The following AGBL1 variants were observed in gnomAD, a reference collection of about 807,000 sequenced individuals.
The protein encoded by AGBL1 is cytosolic carboxypeptidase 4.
AGBL1 carries 130 observed loss-of-function variants against 118.9 expected under a neutral mutation model. The observed-to-expected ratio is 1.09, with a 90% CI of 0.95 to 1.26. AGBL1 has a LOEUF of 1.26. AGBL1 is among the 50% of genes most tolerant of loss of function. The pLI is 0.00. For missense variants in AGBL1, 1,584 were observed against 1,298.1 expected (o/e 1.22, Z -3.38); for synonymous variants, 555 against 478.9 (o/e 1.16, Z -2.08).
At chr15:86,379,798 T>C (rs1377315055) in intron 17 of AGBL1, among the ~76,000 whole-genome samples, 1 of 152,214 alleles carries the variant, frequency 6.6e-6, no homozygotes, top group Admixed American at 6.5e-5. Flanking sequence ...TGCCCTTCTC[T>C]ACAGAGTTTC....
At chr15:86,962,468 T>C (rs1265203818) in intron 23 of AGBL1, among the ~76,000 whole-genome samples, 2 of 152,100 alleles carry the variant, frequency 1.3e-5, no homozygotes, top group Non-Finnish European at 2.9e-5. Flanking sequence ...AAAAAATCTC[T>C]TTTTACTTTG....
At chr15:86,603,019 C>T (rs570598633) in intron 21 of AGBL1, among the ~76,000 whole-genome samples, 9 of 152,042 alleles carry the variant, frequency 5.9e-5, no homozygotes, top group Admixed American at 5.9e-4. Flanking sequence ...AAGCCCCATG[C>T]CAAATGGTTC....
chr15:86,807,804 G>C (rs2078738765), intron 22 of AGBL1, among the ~76,000 whole-genome samples: 1 of 152,084 alleles, frequency 6.6e-6, no homozygotes, highest in African/African-American at 2.4e-5. Context: ...ATCCTGACTT[G>C]TAGCACTTTT....
intron 17 of AGBL1, among the ~76,000 whole-genome samples, chr15:86,364,990 CACACACACATATATATAT>C (rs1375423943): frequency 7.5e-4 from 49 of 65,018 alleles, no homozygotes; most frequent in African/African-American, 2.2e-3. Context: ...TATATATATA[CACACACACATATATATAT>C]ACACACACAT....
At chr15:86,980,156 TC>T (rs1294310081) in intron 23 of AGBL1, among the ~76,000 whole-genome samples, 2 of 148,054 alleles carry the variant, frequency 1.4e-5, no homozygotes, top group Non-Finnish European at 3.0e-5. Flanking sequence ...AACTCAGTAA[TC>T]AGATCCTAGT....
chr15:86,970,522 A>C (rs1194587524), intron 23 of AGBL1, among the ~76,000 whole-genome samples: 2 of 151,996 alleles, frequency 1.3e-5, no homozygotes, highest in Non-Finnish European at 2.9e-5. Flanking sequence ...TATGTGCTCA[A>C]AGTCATAGTG....
At chr15:86,625,480 T>C (rs1178681467) in intron 21 of AGBL1, among the ~76,000 whole-genome samples, 2 of 149,532 alleles carry the variant, frequency 1.3e-5, no homozygotes, top group Admixed American at 6.8e-5. Flanking sequence ...TTAATCCAGA[T>C]CTGTCCAGAT....
chr15:86,563,462 G>A (rs934542707), intron 21 of AGBL1, among the ~76,000 whole-genome samples: 2 of 152,152 alleles, frequency 1.3e-5, no homozygotes, highest in Non-Finnish European at 2.9e-5. Context: ...TTTTGAGTGA[G>A]TTTTTAATCC....
rs868561699 is a variant in AGBL1, at chr15:86,925,122, A to G, written c.3222-62865A>G. 6.3e-3 allele frequency among the ~76,000 whole-genome samples: 465 copies of G among 73,820 alleles called. 2 individuals are homozygous for G. The highest frequency in any genetic ancestry group is 0.013 in the African/African-American group (300 of 23,960). 48.4% of individuals were successfully genotyped at this position (73,820 alleles called of 152,430 possible). A position where few individuals can be genotyped will look rare whatever the true frequency, so the allele number is the denominator to read the frequency against. On this transcript the variant is annotated intron_variant, in intron 23 of 24. Transcript: ENST00000441037. ...GTCAAGAAGAAGAAGAAGAAGAAGA[A>G]GAAGAGGAAGAGGAAGAGGAAGAGG...
chr15:86,350,054 C>T (rs2080601185), intron 17 of AGBL1, among the ~76,000 whole-genome samples: 1 of 152,208 alleles, frequency 6.6e-6, no homozygotes. Flanking sequence ...TCTCCTGGTT[C>T]ATAAAAGTGT....
chr15:86,721,675 G>A (rs2086724204), intron 22 of AGBL1, among the ~76,000 whole-genome samples: 1 of 152,174 alleles, frequency 6.6e-6, no homozygotes. Context: ...GCAGGAGAAG[G>A]AAATAAAAGA....
At chr15:86,343,153 G>A (rs995252984) in intron 17 of AGBL1, among the ~76,000 whole-genome samples, 2 of 152,156 alleles carry the variant, frequency 1.3e-5, no homozygotes, top group African/African-American at 2.4e-5. Flanking sequence ...TAGCCCTGGA[G>A]AGTGATTTTA....
chr15:86,571,300 CAG>C (rs2084003043), intron 21 of AGBL1, among the ~76,000 whole-genome samples: 1 of 152,170 alleles, frequency 6.6e-6, no homozygotes, highest in East Asian at 1.9e-4. Flanking sequence ...GTTTGTGTTA[CAG>C]ATCTTTCAGC....
chr15:86,818,188 A>C (rs2141381771), intron 22 of AGBL1, among the ~76,000 whole-genome samples: 1 of 152,292 alleles, frequency 6.6e-6, no homozygotes, highest in South Asian at 2.1e-4. Context: ...CAGAGCTATA[A>C]GATAACACAT....
chr15:86,446,896 A>T (rs1359419150), intron 18 of AGBL1, among the ~76,000 whole-genome samples: 1 of 152,218 alleles, frequency 6.6e-6, no homozygotes, highest in Non-Finnish European at 1.5e-5. Context: ...CTTTAAATGT[A>T]TATCTGGATT....
chr15:86,318,804 A>T (rs2080059719), intron 17 of AGBL1, among the ~76,000 whole-genome samples: 1 of 144,828 alleles, frequency 6.9e-6, no homozygotes, highest in Non-Finnish European at 1.5e-5. Flanking sequence ...GAATCCATGT[A>T]AAGGTCTGTT....
At chr15:86,580,925 C>T (rs2084164392) in intron 21 of AGBL1, among the ~76,000 whole-genome samples, 1 of 152,250 alleles carries the variant, frequency 6.6e-6, no homozygotes. Context: ...ATTACATTAA[C>T]TACAGTAAAA....
chr15:86,972,140 T>G (rs370781383), intron 23 of AGBL1, among the ~76,000 whole-genome samples: 6 of 152,162 alleles, frequency 3.9e-5, no homozygotes, highest in African/African-American at 1.4e-4. Flanking sequence ...AGTTTTCCAT[T>G]TACCCTGGAT....
chr15:86,462,633 G>T (rs1243911481), intron 18 of AGBL1, among the ~76,000 whole-genome samples: 1 of 151,942 alleles, frequency 6.6e-6, no homozygotes, highest in African/African-American at 2.4e-5. Context: ...CCCTCCCTGT[G>T]CCCATATGTT....
Sources: allele counts gnomAD v4.1 joint callset (sites outside exome capture counted in the v4.1 genomes callset), GRCh38; gene constraint gnomAD v4.1.1; transcripts MANE v1.5; gene names NCBI Gene and HGNC (gene_info 2026-07-23, HGNC 2026-07-21).